Variants in MACROD2 observed in about 807,000 individuals in gnomAD.
MACROD2 encodes the protein ADP-ribose glycohydrolase MACROD2.
In MACROD2, 36 loss-of-function variants were observed where a neutral mutation model predicts 70.4. That is an observed-to-expected ratio of 0.51 (90% CI 0.39 to 0.68). MACROD2 has a LOEUF of 0.68. MACROD2 is among the 30% of genes least tolerant of loss of function. The pLI, the probability that MACROD2 is intolerant of heterozygous loss-of-function variation, is 0.00. For missense variants in MACROD2, 496 were observed against 538.4 expected (o/e 0.92, Z 0.78); for synonymous variants, 172 against 178.8 (o/e 0.96, Z 0.30).
At position 15,415,726 on chromosome 20, in the gene MACROD2, C is replaced by G. The variant is rs999159281; in HGVS notation, c.541-15679C>G. Among the ~76,000 whole-genome samples the G allele has an allele frequency of 5.3e-5, 8 of 152,288 alleles. No individual in the cohort carries two copies. The East Asian group carries it at 9.6e-4, about 18-fold the overall frequency. Reference sequence around the variant, plus strand: ...AGTATTCATCAAGTCAATACTTGCTCCATCCATTCAGCTATCCATTCCTCC... The same window carrying G: ...AGTATTCATCAAGTCAATACTTGCTGCATCCATTCAGCTATCCATTCCTCC... On this transcript the variant is annotated intron_variant, in intron 6 of 17. Coordinates refer to ENST00000684519, the MANE Select transcript of MACROD2 (RefSeq NM_001351661.2).
At chr20:15,449,535 T>C (rs1314677733) in intron 7 of MACROD2, among the ~76,000 whole-genome samples, 1 of 152,184 alleles carries the variant, frequency 6.6e-6, no homozygotes, top group East Asian at 1.9e-4. Flanking sequence ...GAGTTTCTTA[T>C]GCATTTTCCA....
chr20:15,109,695 C>A (rs2075939830), intron 5 of MACROD2, among the ~76,000 whole-genome samples: 1 of 152,144 alleles, frequency 6.6e-6, no homozygotes, highest in Non-Finnish European at 1.5e-5. Flanking sequence ...CCCAAAACAA[C>A]TGCATATATG....
At chr20:15,288,945 A>T (rs2077517477) in intron 6 of MACROD2, among the ~76,000 whole-genome samples, 1 of 151,898 alleles carries the variant, frequency 6.6e-6, no homozygotes, top group Non-Finnish European at 1.5e-5. Context: ...TTTCTGGAGA[A>T]CCCTGATACA....
chr20:15,382,820 A>G (rs2045661392), intron 6 of MACROD2, among the ~76,000 whole-genome samples: 1 of 152,228 alleles, frequency 6.6e-6, no homozygotes, highest in South Asian at 2.1e-4. Context: ...TAATTAGGAC[A>G]GGCCCTAGAT....
intron 3 of MACROD2, among the ~76,000 whole-genome samples, chr20:14,141,092 A>G (rs943576216): frequency 6.6e-6 from 1 of 152,184 alleles, no homozygotes; most frequent in Non-Finnish European, 1.5e-5. Flanking sequence ...CCTTAGACTA[A>G]TTCTAATCCT....
At chr20:14,322,091 C>G (rs1244045448) in intron 3 of MACROD2, among the ~76,000 whole-genome samples, 2 of 144,164 alleles carry the variant, frequency 1.4e-5, no homozygotes, top group Admixed American at 1.4e-4. Context: ...TTATTAATAT[C>G]ATTTAGTTTG....
chr20:15,614,727 G>A (rs976890368), intron 8 of MACROD2, among the ~76,000 whole-genome samples: 5 of 152,120 alleles, frequency 3.3e-5, no homozygotes, highest in Non-Finnish European at 7.4e-5. Flanking sequence ...CAAAGCTCGA[G>A]GAGATTGATA....
chr20:16,049,833 G>A lies in MACROD2; in HGVS notation c.1304G>A (p.Gly435Glu), dbSNP rs746361059. Residue 435 changes from glycine (G) to glutamate (E), a missense_variant, in exon 18 of 18, where the codon GGG becomes GAG. Gly to Glu is a moderately conservative substitution (Grantham distance 98). Coordinates refer to ENST00000684519, the MANE Select transcript of MACROD2 (RefSeq NM_001351661.2). ...ESQQEDQLIA[G>E]AQDEAKEQRN... ...AATGGCTTCTCTTTGTCTTCAGCAGGGGCACAAGATGAAGCGAAGGAACAA... is the reference window on the plus strand; with the variant it reads ...AATGGCTTCTCTTTGTCTTCAGCAGAGGCACAAGATGAAGCGAAGGAACAA... 6.2e-7 allele frequency: 1 copy of A among 1,612,712 alleles called. No homozygotes were observed. The highest frequency in any genetic ancestry group is 1.1e-5 in the South Asian group (1 of 90,980).
chr20:15,053,480 G>A (rs1016823169), intron 5 of MACROD2, among the ~76,000 whole-genome samples: 32 of 152,110 alleles, frequency 2.1e-4, no homozygotes, highest in Admixed American at 7.2e-4. Flanking sequence ...CTCTATAAAA[G>A]GAACAAGAAA....
intron 8 of MACROD2, among the ~76,000 whole-genome samples, chr20:15,786,185 C>T (rs1218006273): frequency 6.8e-6 from 1 of 146,366 alleles, no homozygotes; most frequent in Non-Finnish European, 1.5e-5. Flanking sequence ...CCAGCAGGGG[C>T]AAATCATTCT....
At chr20:15,997,463 A>G (rs962514213) in intron 15 of MACROD2, among the ~76,000 whole-genome samples, 2 of 152,124 alleles carry the variant, frequency 1.3e-5, no homozygotes, top group African/African-American at 2.4e-5. Flanking sequence ...TTCTGATGCT[A>G]CTATAAATGG....
At chr20:15,794,779 T>G (rs568672021) in intron 8 of MACROD2, among the ~76,000 whole-genome samples, 6 of 152,340 alleles carry the variant, frequency 3.9e-5, no homozygotes, top group African/African-American at 1.4e-4. Flanking sequence ...TTGCATCAAG[T>G]GAAGCTTTAA....
chr20:14,867,550 G>A (rs407223), intron 5 of MACROD2, among the ~76,000 whole-genome samples: 37,947 of 152,006 alleles, frequency 0.25, 5,483 homozygotes, highest in Non-Finnish European at 0.33. Context: ...ATGGATTCCT[G>A]TTTAACAGGT....
At chr20:14,633,061 C>T (rs530666402) in intron 4 of MACROD2, among the ~76,000 whole-genome samples, 31 of 152,234 alleles carry the variant, frequency 2.0e-4, no homozygotes, top group Non-Finnish European at 4.3e-4. Flanking sequence ...GCTGCGTTCC[C>T]GCAGAGGCCC....
intron 3 of MACROD2, among the ~76,000 whole-genome samples, chr20:14,453,598 G>A (rs1277394872): frequency 6.6e-6 from 1 of 151,980 alleles, no homozygotes. Flanking sequence ...GTCGAATGTT[G>A]GACATAAGCA....
At chr20:14,124,708 T>C (rs2054625493) in intron 3 of MACROD2, among the ~76,000 whole-genome samples, 1 of 152,126 alleles carries the variant, frequency 6.6e-6, no homozygotes, top group Non-Finnish European at 1.5e-5. Flanking sequence ...GAATGTAAAA[T>C]GGTGGAGCCA....
intron 3 of MACROD2, among the ~76,000 whole-genome samples, chr20:14,469,541 C>T (rs574349977): frequency 6.6e-6 from 1 of 152,170 alleles, no homozygotes; most frequent in South Asian, 2.1e-4. Context: ...GTTCCATTCT[C>T]CCTGTCACTT....
At chr20:15,021,637 A>T (rs1217848775) in intron 5 of MACROD2, 1 of 151,858 alleles carries the variant, frequency 6.6e-6, no homozygotes, top group South Asian at 2.1e-4. Flanking sequence ...CAATTTTAGT[A>T]TATGTGTTGC....
intron 5 of MACROD2, among the ~76,000 whole-genome samples, chr20:15,181,592 C>A (rs768795765): frequency 1.3e-5 from 2 of 152,024 alleles, no homozygotes; most frequent in Non-Finnish European, 2.9e-5. Flanking sequence ...GTTATATAAC[C>A]TTTTTTTGCT....
Sources: allele counts gnomAD v4.1 joint callset (sites outside exome capture counted in the v4.1 genomes callset), GRCh38; gene constraint gnomAD v4.1.1; transcripts MANE v1.5; gene names NCBI Gene and HGNC (gene_info 2026-07-23, HGNC 2026-07-21).